RASEF: variants seen among roughly 807,000 people sequenced by gnomAD.
RASEF encodes the protein RAS and EF-hand domain containing, also known as ras and EF-hand domain-containing protein.
Under a neutral mutation model 90.1 loss-of-function variants are expected in RASEF, and 68 were observed. The observed-to-expected ratio is 0.75, with a 90% CI of 0.62 to 0.92. The LOEUF (loss-of-function observed/expected upper bound fraction) is 0.92. Ranked by LOEUF, RASEF falls within the 40% of genes least tolerant of loss-of-function variation. The pLI, the probability that RASEF is intolerant of heterozygous loss-of-function variation, is 0.00. For missense variants in RASEF, 949 were observed against 937.2 expected (o/e 1.01, Z -0.16); for synonymous variants, 331 against 345.2 (o/e 0.96, Z 0.46).
At chr9:83,204,064 C>T in the RASEF span, among the ~76,000 whole-genome samples, 1 of 152,108 alleles carries the variant, frequency 6.6e-6, no homozygotes, top group Non-Finnish European at 1.5e-5. Flanking sequence ...CACAGTCCTC[C>T]AGGGAGAGCA....
intron 6 of RASEF, among the ~76,000 whole-genome samples, chr9:83,008,582 A>G (rs1272186305): frequency 6.6e-6 from 1 of 151,978 alleles, no homozygotes; most frequent in Admixed American, 6.6e-5. Flanking sequence ...ATGCTTGCGA[A>G]GGACCAGGAC....
chr9:83,203,964 T>G, the RASEF span, among the ~76,000 whole-genome samples: 1 of 152,130 alleles, frequency 6.6e-6, no homozygotes, highest in Non-Finnish European at 1.5e-5. Flanking sequence ...CAAAGATGTT[T>G]GAAAAACTCA....
the RASEF span, among the ~76,000 whole-genome samples, chr9:83,077,962 T>C: frequency 1.3e-5 from 2 of 152,168 alleles, no homozygotes; most frequent in African/African-American, 4.8e-5. Context: ...CTTAAGCAAA[T>C]GTTTACCTTT....
chr9:83,102,222 G>A, the RASEF span, among the ~76,000 whole-genome samples: 7 of 152,084 alleles, frequency 4.6e-5, no homozygotes, highest in South Asian at 2.1e-4. Flanking sequence ...GATTATAGGC[G>A]CCCGCCACCA....
chr9:83,212,095 G>T, the RASEF span, among the ~76,000 whole-genome samples: 1 of 152,040 alleles, frequency 6.6e-6, no homozygotes, highest in Non-Finnish European at 1.5e-5. Context: ...TAAAATCAGG[G>T]TCCAGTGAGA....
chr9:82,991,120 C>A (rs967784653), intron 15 of RASEF, among the ~76,000 whole-genome samples: 1 of 152,102 alleles, frequency 6.6e-6, no homozygotes, highest in African/African-American at 2.4e-5. Context: ...ACTCATCCCC[C>A]ACTCACTCAC....
At chr9:83,114,899 A>G in the RASEF span, among the ~76,000 whole-genome samples, 2 of 152,098 alleles carry the variant, frequency 1.3e-5, no homozygotes, top group Non-Finnish European at 2.9e-5. Context: ...TTACCTTGTG[A>G]TATCTTATTA....
At position 83,000,301 on chromosome 9, in the gene RASEF, C is replaced by G. The variant is rs1240684662; in HGVS notation, c.1591G>C (p.Asp531His). ...ALSPQTDLVD[D>H]NAKSFSSQKA... The stretch of plus-strand genomic sequence containing the variant: ...TGTGAGCTAAAAGATTTAGCGTTGT[C>G]ATCTACCAGGTCTGTCTGGGGGGAA... The change falls in exon 12 of 17, where the codon GAC becomes CAC. Residue 531 changes from aspartate to histidine, a missense_variant. Physicochemically the swap from Asp to His is moderately conservative, Grantham distance 81. This residue lies in a region of RASEF where 288 missense variants were observed against 328.4 expected (regional missense o/e 0.88). Coordinates refer to ENST00000376447, the MANE Select transcript of RASEF (RefSeq NM_152573.4). The G allele has an allele frequency of 1.9e-6, 3 of 1,613,810 alleles. No homozygotes were observed. The East Asian group carries it at 6.7e-5, about 36-fold the overall frequency.
chr9:83,169,907 G>T, the RASEF span, among the ~76,000 whole-genome samples: 1 of 151,680 alleles, frequency 6.6e-6, no homozygotes, highest in Non-Finnish European at 1.5e-5. Context: ...TGTTTCCTTT[G>T]TTGGGCATAA....
chr9:83,057,928 G>A (rs147309706), intron 1 of RASEF, among the ~76,000 whole-genome samples: 1 of 149,262 alleles, frequency 6.7e-6, no homozygotes, highest in Non-Finnish European at 1.5e-5. Context: ...ACATGTGGAA[G>A]ATACTCAAGA....
chr9:83,146,854 G>A, the RASEF span, among the ~76,000 whole-genome samples: 1 of 152,024 alleles, frequency 6.6e-6, no homozygotes, highest in African/African-American at 2.4e-5. Flanking sequence ...GGATGAGAGT[G>A]ATGGACGTGA....
the RASEF span, among the ~76,000 whole-genome samples, chr9:83,193,405 T>C: frequency 3.9e-5 from 6 of 152,208 alleles, no homozygotes; most frequent in African/African-American, 7.2e-5. Context: ...TATGAGTATC[T>C]TTTCCCCAGT....
chr9:83,062,963 C>A lies in RASEF; in HGVS notation c.-96G>T. On this transcript the variant is annotated 5_prime_UTR_variant, in exon 1 of 17. Coordinates refer to ENST00000376447, the MANE Select transcript of RASEF (RefSeq NM_152573.4). Reference sequence around the variant, plus strand: ...GGCCACCTGCTGCCGCCGGGAGGCCCGGCGAGTTTGGCTCGTCCGGCTGGT... The same window carrying A: ...GGCCACCTGCTGCCGCCGGGAGGCCAGGCGAGTTTGGCTCGTCCGGCTGGT... 7.7e-7 allele frequency: 1 copy of A among 1,291,378 alleles called. No individual in the cohort carries two copies. Among genetic ancestry groups the A allele is most frequent in the Non-Finnish European group, 1.0e-6 (1 of 1,002,582 alleles). 80.0% of individuals were successfully genotyped at this position (1,291,378 alleles called of 1,614,324 possible).
At chr9:83,000,118 T>C in intron 12 of RASEF, 51 bp downstream of exon 12, 3 of 1,556,034 alleles carry the variant, frequency 1.9e-6, no homozygotes, top group Non-Finnish European at 2.6e-6. Context: ...GAAGAGAAAA[T>C]CAAGCTAAGG....
intron 3 of RASEF, among the ~76,000 whole-genome samples, chr9:83,017,497 C>T (rs1829364628): frequency 1.9e-5 from 2 of 107,752 alleles, no homozygotes; most frequent in South Asian, 3.1e-4. Flanking sequence ...GAGACTCTGT[C>T]TCAAAAAAAA....
chr9:83,152,514 C>T, the RASEF span, among the ~76,000 whole-genome samples: 25,433 of 152,132 alleles, frequency 0.17, 2,319 homozygotes, highest in Non-Finnish European at 0.21. Flanking sequence ...CCTCCCAAGC[C>T]TCTGCTTAAG....
chr9:83,001,668 T>TG (rs1829043341), intron 9 of RASEF, among the ~76,000 whole-genome samples: 1 of 152,124 alleles, frequency 6.6e-6, no homozygotes. Context: ...TTCAAATACT[T>TG]GAAGAGCTGA....
chr9:83,116,059 T>C, the RASEF span, among the ~76,000 whole-genome samples: 1 of 152,176 alleles, frequency 6.6e-6, no homozygotes, highest in Non-Finnish European at 1.5e-5. Context: ...TTTGAAACCA[T>C]GGCTACAGGG....
intron 3 of RASEF, among the ~76,000 whole-genome samples, chr9:83,018,146 G>T (rs1829377332): frequency 6.6e-6 from 1 of 151,760 alleles, no homozygotes; most frequent in African/African-American, 2.4e-5. Context: ...AATAAGGCAA[G>T]AAAAATAAAA....
Sources: allele counts gnomAD v4.1 joint callset (sites outside exome capture counted in the v4.1 genomes callset), GRCh38; gene constraint gnomAD v4.1.1; regional missense constraint gnomAD v4.1.1; transcripts MANE v1.5; gene names NCBI Gene and HGNC (gene_info 2026-07-23, HGNC 2026-07-21).